PTK6: variants seen among roughly 807,000 people sequenced by gnomAD.
PTK6 encodes the protein protein tyrosine kinase 6.
Under a neutral mutation model 47.5 loss-of-function variants are expected in PTK6, and 47 were observed. The ratio of observed to expected loss-of-function variants is 0.99; its 90% CI spans 0.78 to 1.26. The LOEUF (loss-of-function observed/expected upper bound fraction) is 1.26, where lower values mean the gene tolerates loss of function less well. Among genes scored for constraint, PTK6 ranks in the 50% most tolerant of loss-of-function variants. The pLI is 0.00. For missense variants in PTK6, 618 were observed against 625.3 expected, an observed-to-expected ratio of 0.99 and a Z score of 0.12; for synonymous variants, 287 against 276.5, an observed-to-expected ratio of 1.04 and a Z score of -0.38.
intron 2 of PTK6, 50 bp downstream of exon 2, chr20:63,534,888 G>C: frequency 1.3e-6 from 2 of 1,552,380 alleles, no homozygotes; most frequent in Non-Finnish European, 1.7e-6. Context: ...GGAGGGCTTA[G>C]AGCCAGGAGC....
chr20:63,532,381 GTGTC>G (rs1244792238), intron 5 of PTK6, 141 bp downstream of exon 5: 8 of 1,054,734 alleles, frequency 7.6e-6, no homozygotes, highest in South Asian at 1.6e-5. Flanking sequence ...CTGTGTGTCT[GTGTC>G]TGTGTCTGTG....
Position 63,534,232 on chromosome 20 carries a change from G to A in PTK6, c.436C>T (p.Leu146Phe), listed in dbSNP as rs538487397. 2.5e-6 allele frequency: 4 copies of A among 1,604,814 alleles called. No individual in the cohort carries two copies. The highest frequency in any genetic ancestry group is 1.7e-4 in the Middle Eastern group (1 of 5,952). The change falls in exon 3 of 8, where the codon CTC becomes TTC. Residue 146 changes from leucine (L) to phenylalanine (F), a missense_variant. Leu to Phe is a conservative substitution (Grantham distance 22). Coordinates refer to ENST00000542869, the MANE Select transcript of PTK6 (RefSeq NM_005975.4). Reference sequence around the variant, plus strand: ...TAGTTCACAAGCTCGGGCAGGCTGAGGAAGGACACCGCCTCGTTCAGGTGC... The same window carrying A: ...TAGTTCACAAGCTCGGGCAGGCTGAAGAAGGACACCGCCTCGTTCAGGTGC... ...RLHLNEAVSF[L>F]SLPELVNYHR... is the part of the protein sequence containing the mutation.
intron 1 of PTK6, among the ~76,000 whole-genome samples, chr20:63,535,403 C>A (rs1291787809): frequency 2.1e-5 from 3 of 143,558 alleles, no homozygotes; most frequent in African/African-American, 3.0e-5. Context: ...GTGTGACGCA[C>A]GCTCACACAC....
chr20:63,529,707 C>T lies in PTK6; in HGVS notation c.1185G>A (p.Glu395=). The T allele has an allele frequency of 6.5e-7, 1 of 1,544,660 alleles. No homozygotes were observed. The highest frequency in any genetic ancestry group is 8.7e-7 in the Non-Finnish European group (1 of 1,145,370). ...QVPYPGMSNH[E]AFLRVDAGYR... is the part of the protein sequence containing the mutation. ...AGCCGGCGTCCACCCTCAGGAAGGC[C>T]TCATGGTTGGACATGCCTGCGGCCG... Residue 395 remains glutamate, a synonymous_variant, in exon 8 of 8, where the codon GAG becomes GAA. Coordinates refer to ENST00000542869, the MANE Select transcript of PTK6 (RefSeq NM_005975.4). This position sits in a 1 kb window ranked among gnomAD's most constrained non-coding sequence, Gnocchi z 5.6.
intron 5 of PTK6, among the ~76,000 whole-genome samples, chr20:63,531,664 G>A (rs755561778): frequency 2.6e-5 from 4 of 151,684 alleles, no homozygotes; most frequent in African/African-American, 4.8e-5. Flanking sequence ...CTAGCCCAGC[G>A]ATTTCCCTTC....
At position 63,530,267 on chromosome 20, in the gene PTK6, C is replaced by T. The variant is rs1269337497; in HGVS notation, c.1015-36G>A. On this transcript the variant is annotated intron_variant, in intron 6 of 7. Coordinates refer to ENST00000542869, the MANE Select transcript of PTK6 (RefSeq NM_005975.4). The surrounding 1 kb of genome is among the most constrained non-coding windows in gnomAD (Gnocchi z 4.1). ...CCTGGAGCTGAGTGGGCCGTGGGGG[C>T]TGCCTGTGCCCTGCCCCCGAAGCAT... is the stretch of plus-strand genomic sequence containing the variant. The T allele has an allele frequency of 1.9e-6, 3 of 1,608,152 alleles. No homozygotes were observed. The highest frequency in any genetic ancestry group is 3.3e-5 in the Admixed American group (2 of 59,890).
In PTK6 at chr20:63,537,243, G is replaced by T. The variant is rs758695104; in HGVS notation, c.72C>A (p.Asp24Glu). 1 of 1,612,374 alleles carries T rather than the reference G, an allele frequency of 6.2e-7. No homozygotes were observed. Residue 24 changes from aspartate (D) to glutamate (E), a missense_variant, in exon 1 of 8, where the codon GAC (aspartate) becomes GAA (glutamate). By Grantham distance (45) the Asp-to-Glu change is conservative. Coordinates refer to ENST00000542869, the MANE Select transcript of PTK6 (RefSeq NM_005975.4). ...VGLWDFKSRT[D>E]EELSFRAGDV... ...CCCCCGCGCGGAAGCTCAGCTCCTCGTCCGTCCGGGACTTGAAGTCCCAGA... is the reference window on the plus strand; with the variant it reads ...CCCCCGCGCGGAAGCTCAGCTCCTCTTCCGTCCGGGACTTGAAGTCCCAGA...
At chr20:63,534,465 G>A in intron 2 of PTK6, 150 bp from the exon 3 acceptor site, 1 of 1,091,852 alleles carries the variant, frequency 9.2e-7, no homozygotes, top group Admixed American at 2.8e-5. Flanking sequence ...CCCTCCCTCA[G>A]AACGGCTCCC....
rs1362715503 is a variant in PTK6 at position 63,533,283 on chromosome 20, G to T, written c.670+268C>A. Among the ~76,000 whole-genome samples the T allele has an allele frequency of 6.6e-6, 1 of 152,100 alleles. No homozygotes were observed. The highest frequency in any genetic ancestry group is 2.4e-5 in the African/African-American group (1 of 41,398). ...TGGTTTCCCCATGTTGGCCAGGCTGGTCTCAAACTCCTGACCTCGTGATCC... is the reference window on the plus strand; with the variant it reads ...TGGTTTCCCCATGTTGGCCAGGCTGTTCTCAAACTCCTGACCTCGTGATCC... On this transcript the variant is annotated intron_variant, in intron 4 of 7. Transcript: ENST00000542869. This position sits in a 1 kb window ranked among gnomAD's most constrained non-coding sequence, Gnocchi z 4.0.
chr20:63,535,834 G>GCC (rs1362322038), intron 1 of PTK6, among the ~76,000 whole-genome samples: 1 of 18,562 alleles, frequency 5.4e-5, no homozygotes, highest in South Asian at 5.9e-3. Context: ...CTGGCCTCCC[G>GCC]CCCCCCCCCT....
In PTK6 at chr20:63,533,073, T is replaced by TC. The variant is rs201902494; in HGVS notation, c.671-387_671-386insG. On this transcript the variant is annotated intron_variant, in intron 4 of 7. Coordinates refer to ENST00000542869, the MANE Select transcript of PTK6 (RefSeq NM_005975.4). This position sits in a 1 kb window ranked among gnomAD's most constrained non-coding sequence, Gnocchi z 4.0. ...TTTAAATTTTCTTTCTTTCTTTCTT[T>TC]TTTTTTTTTCCCAAGACGGGGTCTT... Among the ~76,000 whole-genome samples the TC allele has an allele frequency of 0.01, 1,560 of 149,582 alleles. 30 individuals carry two copies. Among genetic ancestry groups the TC allele is most frequent in the African/African-American group, 0.037 (1,468 of 39,222 alleles).
At chr20:63,531,415 C>T (rs1217276110) in intron 5 of PTK6, among the ~76,000 whole-genome samples, 7 of 92,528 alleles carry the variant, frequency 7.6e-5, no homozygotes, top group South Asian at 4.6e-4. Context: ...AGCCAGACTC[C>T]GTCTCAAAAA....
chr20:63,530,059 G>T lies in PTK6; in HGVS notation c.1168+19C>A. 3 of 1,612,868 alleles carry T rather than the reference G, an allele frequency of 1.9e-6. No homozygotes were observed. In the South Asian group the frequency reaches 3.3e-5, roughly 18 times the overall value. On this transcript the variant is annotated intron_variant, in intron 7 of 7. Coordinates refer to ENST00000542869, the MANE Select transcript of PTK6 (RefSeq NM_005975.4). This position sits in a 1 kb window ranked among gnomAD's most constrained non-coding sequence, Gnocchi z 4.1. Reference sequence around the variant, plus strand: ...CCACTCTGCCTCTCATGCCCAGTCAGGGACAGTGGGGACAGTACCTGGGTA... The same window carrying T: ...CCACTCTGCCTCTCATGCCCAGTCATGGACAGTGGGGACAGTACCTGGGTA...
Position 63,534,799 on chromosome 20 carries a change from C to T in PTK6, c.352+139G>A, listed in dbSNP as rs1303175095. On this transcript the variant is annotated intron_variant, in intron 2 of 7. Transcript: ENST00000542869. The stretch of plus-strand genomic sequence containing the variant: ...CCCAGGGAGGAGCGGGCCAGGTGGG[C>T]GGAGGGGATGGGAGCTCCCTGGAGA... The T allele has an allele frequency of 1.9e-5, 25 of 1,290,646 alleles. 1 individual carries two copies. The highest frequency in any genetic ancestry group is 5.3e-5 in the East Asian group (2 of 38,024). The allele number at this position is 1,290,646 out of a possible 1,614,324, so 79.9% of individuals were successfully genotyped here.
rs748512211 is a variant in PTK6, at chr20:63,530,938, G to T, written c.833-11C>A. 2 of 1,590,350 alleles carry T rather than the reference G, an allele frequency of 1.3e-6. No individual in the cohort carries two copies. Among genetic ancestry groups the T allele is most frequent in the Non-Finnish European group, 1.7e-6 (2 of 1,168,414 alleles). On this transcript the variant is annotated splice_polypyrimidine_tract_variant and intron_variant, in intron 5 of 7. Transcript: ENST00000542869. The surrounding 1 kb of genome is among the most constrained non-coding windows in gnomAD (Gnocchi z 4.1). ...CTTTCTCATCAGAGTCTGCAGAGGG[G>T]AGTGGAGCAGAGCCTGGGGTCAGCT... is the stretch of plus-strand genomic sequence containing the variant.
At position 63,529,221 on chromosome 20, in the gene PTK6, GCAGA is replaced by G. The variant is rs1447461250; in HGVS notation, c.*311_*314del. On this transcript the variant is annotated 3_prime_UTR_variant, in exon 8 of 8. Transcript: ENST00000542869. This position sits in a 1 kb window ranked among gnomAD's most constrained non-coding sequence, Gnocchi z 5.6. ...TGCCTCCCACCCTCAGCCGGGCACT[GCAGA>G]CAGACAGCCAGAGAGCGGGCTGTGG... The G allele has an allele frequency of 1.2e-5, 3 of 244,936 alleles. No homozygotes were observed. The highest frequency in any genetic ancestry group is 2.3e-5 in the Non-Finnish European group (3 of 127,730). The allele number at this position is 244,936 out of a possible 1,614,324, so 15.2% of individuals were successfully genotyped here. A position where few individuals can be genotyped will look rare whatever the true frequency, so the allele number is the denominator to read the frequency against.
In PTK6 at chr20:63,530,716, G is replaced by A. The variant is rs200398794; in HGVS notation, c.1014+30C>T. 210 of 1,608,484 alleles carry A rather than the reference G, an allele frequency of 1.3e-4. No individual in the cohort carries two copies. In the Admixed American group the frequency reaches 3.4e-3, roughly 26 times the overall value. On this transcript the variant is annotated intron_variant, in intron 6 of 7. Coordinates refer to ENST00000542869, the MANE Select transcript of PTK6 (RefSeq NM_005975.4). The surrounding 1 kb of genome is among the most constrained non-coding windows in gnomAD (Gnocchi z 4.1). Reference sequence around the variant, plus strand: ...AGCCCTCCGGCCACGCCCCGGCCACGACCCCAGCCACGCCCTCTGAGGGCC... The same window carrying A: ...AGCCCTCCGGCCACGCCCCGGCCACAACCCCAGCCACGCCCTCTGAGGGCC...
chr20:63,534,866 A>T, intron 2 of PTK6, 72 bp downstream of exon 2: 1 of 1,511,678 alleles, frequency 6.6e-7, no homozygotes, highest in Non-Finnish European at 8.9e-7. Context: ...AGCCGGGTTC[A>T]CCACGTGGCT....
chr20:63,534,297 A>T lies in PTK6; in HGVS notation c.371T>A (p.Val124Glu). 1 of 1,606,476 alleles carries T rather than the reference A, an allele frequency of 6.2e-7. No homozygotes were observed. The highest frequency in any genetic ancestry group is 8.5e-7 in the Non-Finnish European group (1 of 1,178,074). Residue 124 changes from valine (V) to glutamate (E), a missense_variant, in exon 3 of 8, where the codon GTG becomes GAG. By Grantham distance (121) the Val-to-Glu change is moderately radical (BLOSUM62 -2). Transcript: ENST00000542869. Reference sequence around the variant, plus strand: ...ACGCCGCCAGATCTTGTAGTGCCGCACAGCCTGCGTGTCCCGCACTGGGAG... The same window carrying T: ...ACGCCGCCAGATCTTGTAGTGCCGCTCAGCCTGCGTGTCCCGCACTGGGAG... ...YVLSVRDTQA[V>E]RHYKIWRRAG...
Sources: gnomAD v4.1 joint callset for allele counts (sites outside exome capture counted in the v4.1 genomes callset) on GRCh38, gnomAD v4.1.1 for gene constraint, Gnocchi (gnomAD v3.1) non-coding constraint, MANE v1.5 for transcripts, NCBI Gene and HGNC (gene_info 2026-07-23, HGNC 2026-07-21) for gene names.